Variants in SLC8A1 observed in about 807,000 individuals in gnomAD.
SLC8A1 encodes solute carrier family 8 member A1.
SLC8A1 carries 18 observed loss-of-function variants against 68.3 expected under a neutral mutation model. The ratio of observed to expected loss-of-function variants is 0.26; its 90% confidence interval spans 0.18 to 0.39. The LOEUF is 0.39. SLC8A1 is among the 10% of genes least tolerant of loss of function. The pLI is 1.00. For missense variants in SLC8A1, 985 were observed against 1,156.7 expected (o/e 0.85, Z 2.15); for synonymous variants, 475 against 415.5 (o/e 1.14, Z -1.74).
chr2:40,133,764 A>G (rs1047877467), intron 7 of SLC8A1, among the ~76,000 whole-genome samples: 2 of 151,464 alleles, frequency 1.3e-5, no homozygotes, highest in Admixed American at 1.3e-4. Flanking sequence ...GAGGATGCTT[A>G]CTTCTATTTA....
chr2:40,150,816 C>T (rs999215765), intron 6 of SLC8A1, among the ~76,000 whole-genome samples: 33 of 152,192 alleles, frequency 2.2e-4, no homozygotes, highest in Admixed American at 1.8e-3. Flanking sequence ...CCCACCCTCT[C>T]GTACTTCCAC....
At chr2:40,184,807 A>G (rs1178474692) in intron 2 of SLC8A1, among the ~76,000 whole-genome samples, 7 of 151,512 alleles carry the variant, frequency 4.6e-5, no homozygotes, top group African/African-American at 1.2e-4. Context: ...TCTGACCACA[A>G]GGAGTTTGAA....
intron 7 of SLC8A1, among the ~76,000 whole-genome samples, chr2:40,132,647 C>G (rs182910197): frequency 2.9e-4 from 44 of 152,188 alleles, no homozygotes; most frequent in African/African-American, 9.9e-4. Context: ...AAAACATAAG[C>G]TATCAATAGC....
intron 2 of SLC8A1, among the ~76,000 whole-genome samples, chr2:40,381,610 C>A (rs1681821010): frequency 6.6e-6 from 1 of 151,976 alleles, no homozygotes; most frequent in African/African-American, 2.4e-5. Context: ...TCTCTGATAA[C>A]TATGAAATGG....
chr2:40,138,768 G>A (rs1029477095), intron 7 of SLC8A1, among the ~76,000 whole-genome samples: 4 of 152,134 alleles, frequency 2.6e-5, no homozygotes, highest in African/African-American at 7.2e-5. Context: ...TCAGAAATAT[G>A]AGTAAACATA....
At chr2:40,245,898 A>G (rs2061803426) in intron 2 of SLC8A1, among the ~76,000 whole-genome samples, 1 of 152,152 alleles carries the variant, frequency 6.6e-6, no homozygotes, top group Non-Finnish European at 1.5e-5. Flanking sequence ...CATTTCATGG[A>G]TGAGGAAACT....
At chr2:40,181,316 C>T (rs1281339907) in intron 2 of SLC8A1, among the ~76,000 whole-genome samples, 1 of 152,204 alleles carries the variant, frequency 6.6e-6, no homozygotes, top group Non-Finnish European at 1.5e-5. Flanking sequence ...TATAGCTCCA[C>T]ACAATTTGTT....
At chr2:40,462,413 T>C (rs1703402526) in intron 1 of SLC8A1, among the ~76,000 whole-genome samples, 1 of 152,100 alleles carries the variant, frequency 6.6e-6, no homozygotes, top group African/African-American at 2.4e-5. Context: ...ATTCTATTTA[T>C]ATATGAATCC....
At chr2:40,145,524 C>G (rs1038677385) in intron 6 of SLC8A1, among the ~76,000 whole-genome samples, 2 of 152,172 alleles carry the variant, frequency 1.3e-5, no homozygotes, top group Non-Finnish European at 2.9e-5. Context: ...TAGGCTTTCT[C>G]CTCCAGAATT....
At chr2:40,187,580 T>G (rs1286300256) in intron 2 of SLC8A1, among the ~76,000 whole-genome samples, 1 of 152,168 alleles carries the variant, frequency 6.6e-6, no homozygotes. Context: ...TATGGAAACT[T>G]AATGGCAACC....
At chr2:40,387,642 T>C (rs1369839144) in intron 2 of SLC8A1, among the ~76,000 whole-genome samples, 1 of 151,260 alleles carries the variant, frequency 6.6e-6, no homozygotes, top group Non-Finnish European at 1.5e-5. Context: ...GGATATTAAC[T>C]TGGGGTACTT....
intron 2 of SLC8A1, among the ~76,000 whole-genome samples, chr2:40,264,474 G>T (rs2149107508): frequency 6.6e-6 from 1 of 152,182 alleles, no homozygotes; most frequent in African/African-American, 2.4e-5. Flanking sequence ...TGATAGACTG[G>T]ATTAAGAAGA....
chr2:40,445,847 TGA>T (rs887194694), intron 1 of SLC8A1, among the ~76,000 whole-genome samples: 21 of 152,208 alleles, frequency 1.4e-4, no homozygotes, highest in Admixed American at 9.8e-4. Flanking sequence ...TTGAAACTTC[TGA>T]GAGACATTTG....
At chr2:40,356,800 G>A (rs1404379618) in intron 2 of SLC8A1, among the ~76,000 whole-genome samples, 1 of 152,118 alleles carries the variant, frequency 6.6e-6, no homozygotes, top group Non-Finnish European at 1.5e-5. Context: ...GCTTCCACAT[G>A]CCTTGTTAAT....
At chr2:40,371,712 T>C (rs1678148287) in intron 2 of SLC8A1, among the ~76,000 whole-genome samples, 1 of 152,046 alleles carries the variant, frequency 6.6e-6, no homozygotes, top group Non-Finnish European at 1.5e-5. Flanking sequence ...AGAACAAAGG[T>C]TTAAACTGTC....
intron 1 of SLC8A1, among the ~76,000 whole-genome samples, chr2:40,445,890 C>T (rs1701345377): frequency 6.6e-6 from 1 of 152,170 alleles, no homozygotes; most frequent in Non-Finnish European, 1.5e-5. Flanking sequence ...TCTGATGCCA[C>T]CCACAGTTGG....
intron 2 of SLC8A1, among the ~76,000 whole-genome samples, chr2:40,369,749 T>C (rs939111017): frequency 6.6e-6 from 1 of 152,070 alleles, no homozygotes; most frequent in Admixed American, 6.6e-5. Flanking sequence ...TCCAGTTAAA[T>C]TGTTGAGCCA....
rs151056087 is a variant in SLC8A1, at chr2:40,390,695, G to A, written c.1808+37778C>T. ...TTTTCACATACACATAGTCCACAGA[G>A]GCTTCTGCCATGTTTTTTTTAACAA... On this transcript the variant is annotated intron_variant, in intron 2 of 7. Transcript: ENST00000406785. 2.9e-3 allele frequency among the ~76,000 whole-genome samples: 438 copies of A among 152,134 alleles called. 1 individual carries two copies. The highest frequency in any genetic ancestry group is 0.01 in the African/African-American group (428 of 41,512).
At chr2:40,379,867 C>T (rs1483784050) in intron 2 of SLC8A1, among the ~76,000 whole-genome samples, 1 of 152,056 alleles carries the variant, frequency 6.6e-6, no homozygotes, top group Non-Finnish European at 1.5e-5. Flanking sequence ...TAATGTAAAA[C>T]ATATACTCAC....
Sources: gnomAD v4.1 joint callset for allele counts (sites outside exome capture counted in the v4.1 genomes callset) on GRCh38, gnomAD v4.1.1 for gene constraint, MANE v1.5 for transcripts, NCBI Gene and HGNC (gene_info 2026-07-23, HGNC 2026-07-21) for gene names.